Variants in KMT2C observed in about 807,000 individuals in gnomAD.
The protein encoded by KMT2C is lysine methyltransferase 2C.
A neutral mutation model predicts 507.9 loss-of-function variants in KMT2C; 88 were observed. The ratio of observed to expected loss-of-function variants is 0.17; its 90% confidence interval spans 0.15 to 0.21. The LOEUF (loss-of-function observed/expected upper bound fraction) is 0.21, where lower values mean the gene tolerates loss of function less well. KMT2C is among the 10% of genes least tolerant of loss of function. KMT2C has a pLI of 1.00. For synonymous variants in KMT2C, 2,049 were observed against 2,080.8 expected (o/e 0.98, Z 0.42); for missense variants, 4,954 against 5,957.8 (o/e 0.83, Z 5.55).
chr7:152,269,975 A>C (rs1401040113), intron 7 of KMT2C, among the ~76,000 whole-genome samples: 1 of 152,254 alleles, frequency 6.6e-6, no homozygotes, highest in Non-Finnish European at 1.5e-5. Context: ...TTACTTAAGA[A>C]AATCCAGACA....
intron 5 of KMT2C, 139 bp from the exon 6 acceptor site, chr7:152,310,214 T>C (rs1334750379): frequency 1.2e-5 from 7 of 608,458 alleles, no homozygotes; most frequent in East Asian, 2.8e-5. Flanking sequence ...AGCAGTAAAG[T>C]GGCCCTTCTA....
intron 38 of KMT2C, 151 bp downstream of exon 38, chr7:152,176,040 C>T: frequency 1.1e-6 from 1 of 879,962 alleles, no homozygotes; most frequent in Non-Finnish European, 1.7e-6. Flanking sequence ...GAGACTCCGT[C>T]TCAAAACAAA....
At chr7:152,406,838 T>TGG (rs11419517) in intron 1 of KMT2C, among the ~76,000 whole-genome samples, 1 of 145,052 alleles carries the variant, frequency 6.9e-6, no homozygotes, top group East Asian at 2.0e-4. Flanking sequence ...TTTTATTTTT[T>TGG]GGTTTTTTTT....
At chr7:152,368,190 T>TG in intron 1 of KMT2C, 4 of 900,388 alleles carry the variant, frequency 4.4e-6, no homozygotes, top group Non-Finnish European at 1.9e-6. Flanking sequence ...GTGAACATTG[T>TG]GATTTTACAA....
At chr7:152,371,930 A>T (rs573636124) in intron 1 of KMT2C, among the ~76,000 whole-genome samples, 1 of 152,132 alleles carries the variant, frequency 6.6e-6, no homozygotes, top group East Asian at 1.9e-4. Flanking sequence ...ATTTTTAAAA[A>T]CAAGATCCAA....
intron 13 of KMT2C, among the ~76,000 whole-genome samples, chr7:152,249,341 T>G (rs910398216): frequency 2.6e-5 from 2 of 77,500 alleles, no homozygotes; most frequent in African/African-American, 5.1e-5. Context: ...TTTTTTTTTT[T>G]GAAACAGGGT....
At chr7:152,389,729 C>T (rs2097474261) in intron 1 of KMT2C, among the ~76,000 whole-genome samples, 1 of 152,026 alleles carries the variant, frequency 6.6e-6, no homozygotes, top group East Asian at 1.9e-4. Flanking sequence ...GTGTGAGCCA[C>T]CATGCTCGGC....
intron 4 of KMT2C, among the ~76,000 whole-genome samples, chr7:152,313,122 T>G (rs1355294676): frequency 2.0e-5 from 3 of 152,272 alleles, no homozygotes; most frequent in African/African-American, 7.2e-5. Context: ...ATGCTAACTT[T>G]AAATTCTCAT....
rs1297024627 is a variant in KMT2C at position 152,156,435 on chromosome 7, A to G, written c.11671-89T>C. Reference sequence around the variant, plus strand: ...ACGTAGTTCTGTGAATTTTTTGCACATAGAAGCAAGGCTACAGAAATGTAA... The same window carrying G: ...ACGTAGTTCTGTGAATTTTTTGCACGTAGAAGCAAGGCTACAGAAATGTAA... On this transcript the variant is annotated intron_variant, in intron 44 of 58. Transcript: ENST00000262189. 3.3e-6 allele frequency: 5 copies of G among 1,509,588 alleles called. No homozygotes were observed. In the African/African-American group the frequency reaches 5.6e-5, roughly 17 times the overall value. The allele number at this position is 1,509,588 out of a possible 1,614,324, so 93.5% of individuals were successfully genotyped here.
At chr7:152,356,605 A>C (rs2097153560) in intron 2 of KMT2C, among the ~76,000 whole-genome samples, 1 of 151,110 alleles carries the variant, frequency 6.6e-6, no homozygotes. Flanking sequence ...AAAAATAATA[A>C]TCAGGCACGG....
chr7:152,294,361 T>G (rs1371071156), intron 6 of KMT2C, among the ~76,000 whole-genome samples: 1 of 152,236 alleles, frequency 6.6e-6, no homozygotes, highest in African/African-American at 2.4e-5. Context: ...GTGTACATGA[T>G]GATTGAGTAC....
intron 40 of KMT2C, 92 bp downstream of exon 40, chr7:152,171,171 CT>C (rs1281755337): frequency 1.3e-6 from 1 of 769,836 alleles, no homozygotes; most frequent in African/African-American, 1.8e-5. Context: ...AAACCTAGTA[CT>C]ACTCTCTAGC....
chr7:152,234,434 A>G (rs2095220432), intron 16 of KMT2C, among the ~76,000 whole-genome samples: 2 of 152,108 alleles, frequency 1.3e-5, no homozygotes, highest in Non-Finnish European at 2.9e-5. Context: ...CCCCACAAAG[A>G]AAATTTCAGG....
intron 2 of KMT2C, among the ~76,000 whole-genome samples, chr7:152,348,679 AAACAGATGGGCAGATAAGCATATG>A (rs1340605472): frequency 6.6e-6 from 1 of 152,036 alleles, no homozygotes; most frequent in Non-Finnish European, 1.5e-5. Flanking sequence ...CAATAAACAT[AAACAGATGGGCAGATAAGCATATG>A]AACAGATGTT....
intron 1 of KMT2C, among the ~76,000 whole-genome samples, chr7:152,359,034 C>T (rs1417243102): frequency 6.6e-6 from 1 of 152,100 alleles, no homozygotes; most frequent in Non-Finnish European, 1.5e-5. Context: ...TCACAAAGTT[C>T]ACATACCAGG....
At chr7:152,399,118 C>T (rs975851248) in intron 1 of KMT2C, among the ~76,000 whole-genome samples, 2 of 151,978 alleles carry the variant, frequency 1.3e-5, no homozygotes, top group African/African-American at 4.8e-5. Flanking sequence ...CGCTCACCAC[C>T]GCACCCAGCC....
At chr7:152,378,710 T>C (rs1170082910) in intron 1 of KMT2C, among the ~76,000 whole-genome samples, 9 of 152,170 alleles carry the variant, frequency 5.9e-5, no homozygotes, top group Non-Finnish European at 8.8e-5. Flanking sequence ...AACTTCCTGG[T>C]CTCATGTTCC....
At chr7:152,306,262 G>A (rs1589069335) in intron 6 of KMT2C, among the ~76,000 whole-genome samples, 1 of 151,916 alleles carries the variant, frequency 6.6e-6, no homozygotes, top group East Asian at 1.9e-4. Flanking sequence ...TTGCTTATTT[G>A]GTCTCCCACA....
At chr7:152,418,389 G>A (rs1031445529) in intron 1 of KMT2C, among the ~76,000 whole-genome samples, 1 of 152,136 alleles carries the variant, frequency 6.6e-6, no homozygotes, top group African/African-American at 2.4e-5. Flanking sequence ...AGGAAAAGGG[G>A]AGACAGCTGT....
Sources: allele counts gnomAD v4.1 joint callset (sites outside exome capture counted in the v4.1 genomes callset), GRCh38; gene constraint gnomAD v4.1.1; transcripts MANE v1.5; gene names NCBI Gene and HGNC (gene_info 2026-07-23, HGNC 2026-07-21).